XG: variants seen among roughly 807,000 people sequenced by gnomAD.
XG encodes Xg glycoprotein (Xg blood group), also known as glycoprotein Xg.
Under a neutral mutation model 25.7 loss-of-function variants are expected in XG, and 24 were observed. The ratio of observed to expected loss-of-function variants is 0.93; its 90% CI spans 0.68 to 1.31. The LOEUF is 1.31. Among genes scored for constraint, XG ranks in the 40% most tolerant of loss-of-function variants. The pLI is 0.00. For synonymous variants in XG, 77 were observed against 69.2 expected (o/e 1.11, Z -0.56); for missense variants, 181 against 187.6 (o/e 0.96, Z 0.21).
At chrX:2,757,448 C>T (rs181315721) in intron 1 of XG, among the ~76,000 whole-genome samples, 152 of 151,174 alleles carry the variant, frequency 1.0e-3, no homozygotes, top group African/African-American at 3.1e-3. Flanking sequence ...GCCTCCTGTC[C>T]GTATCAACAT....
chrX:2,789,261 C>T (rs191978761), intron 4 of XG, among the ~76,000 whole-genome samples: 28 of 111,577 alleles, frequency 2.5e-4, no homozygotes, highest in Non-Finnish European at 4.5e-4. Flanking sequence ...TCAAATGAAA[C>T]GGTGTAACTC....
chrX:2,816,299 G>A lies in XG; in HGVS notation c.*1919G>A. The A allele has an allele frequency of 8.9e-6, 1 of 111,857 alleles. No individual in the cohort carries two copies. The highest frequency in any genetic ancestry group is 3.2e-5 in the African/African-American group (1 of 30,851). 9.2% of individuals were successfully genotyped at this position (111,857 alleles called of 1,213,427 possible). ...TAAAACGTCATCTCCATGTAATTTAGAGAAGGATAACCTTGACTGTACAGC... is the reference window on the plus strand; with the variant it reads ...TAAAACGTCATCTCCATGTAATTTAAAGAAGGATAACCTTGACTGTACAGC... On this transcript the variant is annotated 3_prime_UTR_variant, in exon 11 of 11. Coordinates refer to ENST00000644266, the MANE Select transcript of XG (RefSeq NM_001141919.2).
At chrX:2,807,404 G>A (rs780527786) in intron 8 of XG, among the ~76,000 whole-genome samples, 1 of 113,227 alleles carries the variant, frequency 8.8e-6, no homozygotes, top group Admixed American at 9.2e-5. Context: ...TGTGGATTGT[G>A]TGTATACATG....
chrX:2,764,807 G>A (rs1216428061), intron 1 of XG, among the ~76,000 whole-genome samples: 213 of 150,542 alleles, frequency 1.4e-3, no homozygotes, highest in Non-Finnish European at 2.4e-3. Flanking sequence ...TTGGGAGGCC[G>A]AGGCGGGTGA....
chrX:2,762,323 T>C (rs1160004025), intron 1 of XG, among the ~76,000 whole-genome samples: 2 of 152,172 alleles, frequency 1.3e-5, no homozygotes, highest in African/African-American at 4.8e-5. Context: ...AGCTTCAATC[T>C]GCAACTGCAT....
At chrX:2,767,509 T>A (rs2050726135) in intron 1 of XG, among the ~76,000 whole-genome samples, 1 of 151,992 alleles carries the variant, frequency 6.6e-6, no homozygotes, top group Admixed American at 6.6e-5. Context: ...GCAAAGCAAA[T>A]CAGAAATAGA....
At chrX:2,813,194 C>T (rs958882245) in intron 10 of XG, among the ~76,000 whole-genome samples, 1 of 109,903 alleles carries the variant, frequency 9.1e-6, no homozygotes, top group Non-Finnish European at 1.9e-5. Flanking sequence ...ATACCCTCAC[C>T]AGGTATTCCC....
chrX:2,763,174 G>A (rs180836387), intron 1 of XG, among the ~76,000 whole-genome samples: 2,261 of 150,450 alleles, frequency 0.015, 27 homozygotes, highest in Non-Finnish European at 0.022. Context: ...ACACCACCAC[G>A]CCCACATTTT....
At chrX:2,768,545 G>A (rs2535445) in intron 1 of XG, among the ~76,000 whole-genome samples, 41,774 of 151,990 alleles carry the variant, frequency 0.27, 6,282 homozygotes, top group African/African-American at 0.41. Context: ...AGGCAGGTGG[G>A]TCACTTGAGG....
intron 6 of XG, 53 bp downstream of exon 6, chrX:2,794,656 G>A (rs2086867850): frequency 5.2e-6 from 6 of 1,163,194 alleles, no homozygotes; most frequent in Middle Eastern, 2.4e-4. Flanking sequence ...CAGAGAGGGT[G>A]GGATGAGAGG....
rs2087095770 is a variant in XG at position 2,815,529 on chromosome X, T to C, written c.*1149T>C. 9.0e-6 allele frequency: 1 copy of C among 111,675 alleles called. No individual in the cohort carries two copies. Among genetic ancestry groups the C allele is most frequent in the Non-Finnish European group, 1.9e-5 (1 of 53,147 alleles). The allele number at this position is 111,675 out of a possible 1,213,427, so 9.2% of individuals were successfully genotyped here. A position where few individuals can be genotyped will look rare whatever the true frequency, so the allele number is the denominator to read the frequency against. On this transcript the variant is annotated 3_prime_UTR_variant, in exon 11 of 11. Transcript: ENST00000644266. ...AGAGAAGGTTGAAAGTGGAAAGCAC[T>C]TGAAAGGGCTCCCCGGTTTGTAAAA...
At chrX:2,768,090 C>T (rs1044257811) in intron 1 of XG, among the ~76,000 whole-genome samples, 16 of 152,094 alleles carry the variant, frequency 1.1e-4, no homozygotes, top group African/African-American at 3.9e-4. Flanking sequence ...GTGCCACCTG[C>T]CTGTTTTATG....
chrX:2,775,428 G>A lies in XG; in HGVS notation c.127+689G>A, dbSNP rs754664336. 5.9e-5 allele frequency among the ~76,000 whole-genome samples: 9 copies of A among 152,276 alleles called. No individual in the cohort carries two copies. The South Asian group carries it at 1.9e-3, about 32-fold the overall frequency. On this transcript the variant is annotated intron_variant, in intron 3 of 10. Coordinates refer to ENST00000644266, the MANE Select transcript of XG (RefSeq NM_001141919.2). ...TGAAGATGAAATTTCAAGAATAGGT[G>A]AATCCCTAGAACCAGAAGCAATGTC...
intron 1 of XG, among the ~76,000 whole-genome samples, chrX:2,767,977 C>T (rs1244850556): frequency 1.3e-5 from 2 of 152,186 alleles, no homozygotes; most frequent in East Asian, 1.9e-4. Context: ...CCCCCAATTC[C>T]TGTCATCTCT....
chrX:2,752,223 C>T lies in XG; in HGVS notation c.-52C>T. Reference sequence around the variant, plus strand: ...AGGAGGGTGGAGAGGCCGGGTCTCACAATCCGCTTGGCTGGGGAGTCCACT... The same window carrying T: ...AGGAGGGTGGAGAGGCCGGGTCTCATAATCCGCTTGGCTGGGGAGTCCACT... On this transcript the variant is annotated 5_prime_UTR_variant, in exon 1 of 11. Transcript: ENST00000644266. 3.7e-6 allele frequency: 6 copies of T among 1,612,694 alleles called. No homozygotes were observed. The highest frequency in any genetic ancestry group is 1.1e-5 in the South Asian group (1 of 90,918).
At chrX:2,783,750 A>G (rs1318143173) in intron 4 of XG, among the ~76,000 whole-genome samples, 5 of 112,890 alleles carry the variant, frequency 4.4e-5, no homozygotes, top group African/African-American at 6.4e-5. Flanking sequence ...CGAGGCGGGC[A>G]GATCACCTGA....
At chrX:2,779,229 A>G (rs1346251911) in intron 3 of XG, among the ~76,000 whole-genome samples, 1 of 151,622 alleles carries the variant, frequency 6.6e-6, no homozygotes, top group Non-Finnish European at 1.5e-5. Context: ...CCAGCTACTC[A>G]GGAGGCTGAG....
chrX:2,764,174 A>C (rs1427560689), intron 1 of XG, among the ~76,000 whole-genome samples: 9 of 152,164 alleles, frequency 5.9e-5, no homozygotes, highest in Non-Finnish European at 1.5e-5. Context: ...TACAAATGCC[A>C]CGGCAATGTC....
intron 3 of XG, among the ~76,000 whole-genome samples, chrX:2,777,642 TAAG>T (rs1320648323): frequency 6.6e-6 from 1 of 151,974 alleles, no homozygotes; most frequent in Non-Finnish European, 1.5e-5. Flanking sequence ...AAATGGAAGT[TAAG>T]AAGGAAGGAA....
Sources: gnomAD v4.1 joint callset for allele counts (sites outside exome capture counted in the v4.1 genomes callset) on GRCh38, gnomAD v4.1.1 for gene constraint, MANE v1.5 for transcripts, NCBI Gene and HGNC (gene_info 2026-07-23, HGNC 2026-07-21) for gene names.